Variants in CDKAL1 observed in about 807,000 individuals in gnomAD.
CDKAL1 encodes the protein threonylcarbamoyladenosine tRNA methylthiotransferase.
CDKAL1 carries 32 observed loss-of-function variants against 68.2 expected under a neutral mutation model. The ratio of observed to expected loss-of-function variants is 0.47; its 90% CI spans 0.35 to 0.63. The LOEUF (loss-of-function observed/expected upper bound fraction) is 0.63. CDKAL1 is among the 30% of genes least tolerant of loss of function. The pLI is 0.00. For synonymous variants in CDKAL1, 234 were observed against 244.3 expected, an observed-to-expected ratio of 0.96 and a Z score of 0.39; for missense variants, 606 against 696.7, an observed-to-expected ratio of 0.87 and a Z score of 1.47.
intron 9 of CDKAL1, among the ~76,000 whole-genome samples, chr6:20,946,754 G>A (rs542201719): frequency 3.3e-5 from 5 of 151,792 alleles, no homozygotes; most frequent in East Asian, 1.9e-4. Flanking sequence ...GCGCCACCAC[G>A]CCCAGCTAAT....
chr6:20,792,320 A>C (rs1309653646), intron 8 of CDKAL1, among the ~76,000 whole-genome samples: 2 of 152,224 alleles, frequency 1.3e-5, no homozygotes, highest in Non-Finnish European at 2.9e-5. Context: ...ACTGGGTTTA[A>C]AACGAGGTCA....
chr6:20,955,376 C>T, intron 9 of CDKAL1, 43 bp from the exon 10 acceptor site: 2 of 1,596,098 alleles, frequency 1.3e-6, no homozygotes, highest in Non-Finnish European at 1.7e-6. Context: ...ATGAAGGAAA[C>T]AGCTCTGCCA....
chr6:20,724,127 G>T (rs1168249409), intron 5 of CDKAL1, among the ~76,000 whole-genome samples: 1 of 151,966 alleles, frequency 6.6e-6, no homozygotes, highest in Admixed American at 6.6e-5. Context: ...TGGTAGAGAT[G>T]GTGTTTCACC....
chr6:20,742,824 A>G (rs1773514954), intron 6 of CDKAL1, among the ~76,000 whole-genome samples: 2 of 152,074 alleles, frequency 1.3e-5, no homozygotes, highest in Admixed American at 6.6e-5. Context: ...ATTTGTTAAT[A>G]TCATTTTGTA....
In CDKAL1 at chr6:21,166,184, G is replaced by C. The variant is rs186269562; in HGVS notation, c.1300-31837G>C. Among the ~76,000 whole-genome samples, 3 of 152,122 alleles carry C rather than the reference G, an allele frequency of 2.0e-5. No homozygotes were observed. In the East Asian group the frequency reaches 5.8e-4, roughly 29 times the overall value. On this transcript the variant is annotated intron_variant, in intron 13 of 15. Coordinates refer to ENST00000274695, the MANE Select transcript of CDKAL1 (RefSeq NM_017774.3). ...AATTGGGAAGAAAAAGGGGGTAGTCGTAGGGATACAGATGTGTGAGAGAGC... is the reference window on the plus strand; with the variant it reads ...AATTGGGAAGAAAAAGGGGGTAGTCCTAGGGATACAGATGTGTGAGAGAGC...
At chr6:20,931,477 C>T (rs1763458377) in intron 9 of CDKAL1, among the ~76,000 whole-genome samples, 1 of 152,140 alleles carries the variant, frequency 6.6e-6, no homozygotes, top group Non-Finnish European at 1.5e-5. Flanking sequence ...AAACTATTCT[C>T]CTGGTGCTGA....
At chr6:20,826,042 A>C (rs1356738443) in intron 8 of CDKAL1, among the ~76,000 whole-genome samples, 1 of 152,148 alleles carries the variant, frequency 6.6e-6, no homozygotes, top group Non-Finnish European at 1.5e-5. Flanking sequence ...TTGTAATTAT[A>C]TCATTTCCTT....
At chr6:20,556,336 G>T (rs1003433329) in intron 4 of CDKAL1, among the ~76,000 whole-genome samples, 1 of 151,968 alleles carries the variant, frequency 6.6e-6, no homozygotes, top group Non-Finnish European at 1.5e-5. Flanking sequence ...CTGCACTCCA[G>T]CTTGGGTAAC....
chr6:21,002,715 C>T (rs1356131049), intron 11 of CDKAL1, among the ~76,000 whole-genome samples: 3 of 150,920 alleles, frequency 2.0e-5, no homozygotes, highest in Admixed American at 6.6e-5. Flanking sequence ...AGGCCCAGTG[C>T]GGTGGCTCAC....
Position 21,108,431 on chromosome 6 carries a change from G to A in CDKAL1, c.1267G>A (p.Val423Met). The A allele has an allele frequency of 6.2e-7, 1 of 1,605,272 alleles. No individual in the cohort carries two copies. The highest frequency in any genetic ancestry group is 8.5e-7 in the Non-Finnish European group (1 of 1,177,308). Residue 423 changes from valine (V) to methionine (M), a missense_variant, in exon 13 of 16, where the codon GTG (valine) becomes ATG (methionine). Coordinates refer to ENST00000274695, the MANE Select transcript of CDKAL1 (RefSeq NM_017774.3). ...GCAAAGGACAAAAGATCTTTCTCGGGTGTTTCATTCTTACAGTCCATATGA... is the reference window on the plus strand; with the variant it reads ...GCAAAGGACAAAAGATCTTTCTCGGATGTTTCATTCTTACAGTCCATATGA... ...KKQRTKDLSR[V>M]FHSYSPYDHK...
At chr6:20,864,515 G>C (rs570515943) in intron 9 of CDKAL1, among the ~76,000 whole-genome samples, 3 of 152,166 alleles carry the variant, frequency 2.0e-5, no homozygotes, top group African/African-American at 7.2e-5. Context: ...ATGAATTCTG[G>C]AACATTAGAA....
At chr6:21,136,239 T>A (rs1035563126) in intron 13 of CDKAL1, among the ~76,000 whole-genome samples, 1 of 152,232 alleles carries the variant, frequency 6.6e-6, no homozygotes, top group Non-Finnish European at 1.5e-5. Context: ...ACAATGTGTT[T>A]GTAATAGGAC....
At chr6:21,077,705 C>T (rs898873490) in intron 12 of CDKAL1, among the ~76,000 whole-genome samples, 12 of 152,180 alleles carry the variant, frequency 7.9e-5, no homozygotes, top group African/African-American at 2.7e-4. Context: ...GAAGTCTGCC[C>T]CCATGACCCA....
intron 11 of CDKAL1, among the ~76,000 whole-genome samples, chr6:21,023,145 C>CA (rs1478597633): frequency 2.7e-5 from 4 of 149,650 alleles, no homozygotes; most frequent in Non-Finnish European, 5.9e-5. Flanking sequence ...TTTTTTTTAC[C>CA]ATTAGCCTTT....
rs201475930 is a variant in CDKAL1, at chr6:20,536,344, G to GT, written c.-6+957dup. On this transcript the variant is annotated intron_variant, in intron 2 of 15. Transcript: ENST00000274695. Reference sequence around the variant, plus strand: ...TAACATCATAAAGATTTGTGCTTATGTTTTTTTCTAAGAGTTTCATAATGT... The same window carrying GT: ...TAACATCATAAAGATTTGTGCTTATGTTTTTTTTCTAAGAGTTTCATAATGT... Among the ~76,000 whole-genome samples the GT allele has an allele frequency of 7.2e-3, 1,089 of 152,088 alleles. 9 individuals are homozygous for GT. Among genetic ancestry groups the GT allele is most frequent in the Non-Finnish European group, 0.011 (742 of 67,976 alleles).
At chr6:21,206,603 T>C (rs913258662) in intron 15 of CDKAL1, among the ~76,000 whole-genome samples, 2 of 152,202 alleles carry the variant, frequency 1.3e-5, no homozygotes, top group Admixed American at 1.3e-4. Context: ...TTTTTTTTCA[T>C]TGAATTCATT....
At chr6:20,732,263 C>CT (rs56911987) in intron 5 of CDKAL1, among the ~76,000 whole-genome samples, 4,136 of 83,432 alleles carry the variant, frequency 0.05, 198 homozygotes, top group African/African-American at 0.081. Flanking sequence ...TTCTTTCTTT[C>CT]TTTTTTTTTT....
chr6:21,051,645 A>C (rs1460085573), intron 11 of CDKAL1, among the ~76,000 whole-genome samples: 1 of 152,160 alleles, frequency 6.6e-6, no homozygotes, highest in Non-Finnish European at 1.5e-5. Flanking sequence ...ATATTAAACA[A>C]GATGAAGTTG....
chr6:21,041,334 C>T (rs1382186293), intron 11 of CDKAL1, among the ~76,000 whole-genome samples: 8 of 152,116 alleles, frequency 5.3e-5, no homozygotes, highest in Non-Finnish European at 1.0e-4. Flanking sequence ...AATTGCTTTG[C>T]ACTGGGAACA....
Sources: gnomAD v4.1 joint callset for allele counts (sites outside exome capture counted in the v4.1 genomes callset) on GRCh38, gnomAD v4.1.1 for gene constraint, MANE v1.5 for transcripts, NCBI Gene and HGNC (gene_info 2026-07-23, HGNC 2026-07-21) for gene names.